The following ZNF449 variants were observed in gnomAD, a reference collection of about 807,000 sequenced individuals.
ZNF449 encodes zinc finger protein 449, also known as zinc finger and SCAN domain-containing protein 19.
In ZNF449, 4 loss-of-function variants were observed where a neutral mutation model predicts 32.6. The ratio of observed to expected loss-of-function variants is 0.12; its 90% CI spans 0.06 to 0.28. The LOEUF is 0.28. ZNF449 is among the 10% of genes least tolerant of loss of function. The probability of loss-of-function intolerance (pLI) is 1.00; values close to 1 mark genes in which losing one functional copy is unlikely to be tolerated. For synonymous variants in ZNF449, 123 were observed against 132.2 expected, an observed-to-expected ratio of 0.93 and a Z score of 0.48; for missense variants, 275 against 383.2, an observed-to-expected ratio of 0.72 and a Z score of 2.36.
rs1217232780 is a variant in ZNF449, at chrX:135,362,335, T to C, written c.*1259T>C. On this transcript the variant is annotated 3_prime_UTR_variant, in exon 5 of 5. Transcript: ENST00000339249. ...ACGCACACACATATGTATATACACA[T>C]ATCATTTTAAGAAGCTGAGGATCAC... The C allele has an allele frequency of 3.6e-5, 4 of 111,842 alleles. No homozygotes were observed. Among genetic ancestry groups the C allele is most frequent in the African/African-American group, 9.7e-5 (3 of 30,849 alleles). 9.2% of individuals were successfully genotyped at this position (111,842 alleles called of 1,213,427 possible).
intron 3 of ZNF449, among the ~76,000 whole-genome samples, chrX:135,351,484 G>A (rs12392460): frequency 0.022 from 2,433 of 109,699 alleles, 82 homozygotes; most frequent in African/African-American, 0.076. Context: ...GTTGAGTTTA[G>A]ATTTGAACAT....
In ZNF449 at chrX:135,347,085, C is replaced by G; in HGVS notation, c.-34C>G. On this transcript the variant is annotated 5_prime_UTR_variant, in exon 2 of 5. Transcript: ENST00000339249. ...ACAAGTCGGAATCTGAGAAGTGAGG[C>G]TCCAGATAAACTGTAAACTGCTGGA... The G allele has an allele frequency of 8.7e-7, 1 of 1,147,930 alleles. No homozygotes were observed. Among genetic ancestry groups the G allele is most frequent in the Non-Finnish European group, 1.2e-6 (1 of 857,492 alleles). The allele number at this position is 1,147,930 out of a possible 1,213,427, so 94.6% of individuals were successfully genotyped here.
At chrX:135,350,139 T>TG (rs1335989821) in intron 3 of ZNF449, among the ~76,000 whole-genome samples, 5 of 110,973 alleles carry the variant, frequency 4.5e-5, no homozygotes, top group African/African-American at 1.6e-4. Flanking sequence ...CTCAAGTAGC[T>TG]GGGATCACAG....
At chrX:135,347,633 G>A in intron 2 of ZNF449, 161 bp downstream of exon 2, 1 of 1,142,212 alleles carries the variant, frequency 8.8e-7, no homozygotes, top group Non-Finnish European at 1.2e-6. Context: ...ATGAGTCAGT[G>A]CTTTTAACTC....
chrX:135,359,862 T>C, intron 3 of ZNF449, 30 bp from the exon 4 acceptor site: 1 of 1,062,734 alleles, frequency 9.4e-7, no homozygotes, highest in South Asian at 1.9e-5. Context: ...TGAGCCAAAC[T>C]GTAATGCTTC....
At position 135,347,459 on chromosome X, in the gene ZNF449, TA is replaced by T; in HGVS notation, c.342del (p.Pro115GlnfsTer29). On this transcript the variant is annotated frameshift_variant, in exon 2 of 5. Coordinates refer to ENST00000339249, the MANE Select transcript of ZNF449 (RefSeq NM_152695.6). LOFTEE classifies it high-confidence loss of function. The stretch of plus-strand genomic sequence containing the variant: ...GAAGACTTACAGAGAGAACTTGAGA[TA>T]CCAGAGCAGCAGGTAAGAAAAGAAT... ...LIEDLQRELE[I>X]PEQQVDMHDM... 8.3e-7 allele frequency: 1 copy of T among 1,211,774 alleles called. No individual in the cohort carries two copies. The highest frequency in any genetic ancestry group is 1.1e-6 in the Non-Finnish European group (1 of 895,514).
intron 1 of ZNF449, among the ~76,000 whole-genome samples, chrX:135,345,426 A>G (rs2084837128): frequency 8.9e-6 from 1 of 111,781 alleles, no homozygotes; most frequent in Admixed American, 9.4e-5. Flanking sequence ...TCCAGAGCCA[A>G]AAACAGCACA....
chrX:135,356,012 A>G (rs782431451), intron 3 of ZNF449, among the ~76,000 whole-genome samples: 1 of 112,421 alleles, frequency 8.9e-6, no homozygotes, highest in East Asian at 2.8e-4. Context: ...ATTCCTATTT[A>G]TGGTTGCATA....
chrX:135,348,737 A>T, intron 2 of ZNF449: 1 of 985,603 alleles, frequency 1.0e-6, no homozygotes, highest in Non-Finnish European at 1.3e-6. Flanking sequence ...ATAAGATTTT[A>T]TCTTCATGTG....
Position 135,349,184 on chromosome X carries a change from A to G in ZNF449, c.429A>G (p.Leu143=). The change falls in exon 3 of 5, where the codon CTA becomes CTG. Residue 143 remains leucine (L), a synonymous_variant. Transcript: ENST00000339249. ...CACACATACCACCAACCATGCACCT[A>G]GAGTCACCTGCACTCCAGGTAATGG... is the stretch of plus-strand genomic sequence containing the variant. ...GTAHIPPTMH[L]ESPALQVMGP... 6 of 1,211,277 alleles carry G rather than the reference A, an allele frequency of 5.0e-6. No homozygotes were observed. The highest frequency in any genetic ancestry group is 5.6e-6 in the Non-Finnish European group (5 of 895,130).
intron 2 of ZNF449, chrX:135,348,873 G>A: frequency 2.0e-6 from 2 of 1,019,704 alleles, no homozygotes; most frequent in East Asian, 3.7e-5. Context: ...CAGAAGACTT[G>A]GTATGAAAAA....
rs889780421 is a variant in ZNF449, at chrX:135,349,324, G to A, written c.559+10G>A. 11 of 1,207,079 alleles carry A rather than the reference G, an allele frequency of 9.1e-6. No individual in the cohort carries two copies. Among genetic ancestry groups the A allele is most frequent in the Non-Finnish European group, 1.2e-5 (11 of 892,072 alleles). On this transcript the variant is annotated intron_variant, in intron 3 of 4. Transcript: ENST00000339249. The stretch of plus-strand genomic sequence containing the variant: ...AACTTTCTGGACCCTGGTAAGGCAA[G>A]GGTTTCTCTCCTTTCTTTTGTTTCT...
At position 135,344,825 on chromosome X, in the gene ZNF449, G is replaced by A. The variant is rs899460266; in HGVS notation, c.-111G>A. The A allele has an allele frequency of 3.5e-5, 4 of 113,366 alleles. No homozygotes were observed. The highest frequency in any genetic ancestry group is 7.5e-5 in the Non-Finnish European group (4 of 53,369). 9.3% of individuals were successfully genotyped at this position (113,366 alleles called of 1,213,427 possible). A position where few individuals can be genotyped will look rare whatever the true frequency, so the allele number is the denominator to read the frequency against. ...GCCGGTGAGCTTGGGAGAACCGTGG[G>A]CGCTGAGGCGGTGAGTCCCCGAGCG... is the stretch of plus-strand genomic sequence containing the variant. On this transcript the variant is annotated 5_prime_UTR_variant, in exon 1 of 5. Coordinates refer to ENST00000339249, the MANE Select transcript of ZNF449 (RefSeq NM_152695.6).
chrX:135,350,003 A>ATT (rs552605724), intron 3 of ZNF449, among the ~76,000 whole-genome samples: 5 of 81,758 alleles, frequency 6.1e-5, no homozygotes, highest in Non-Finnish European at 9.9e-5. Flanking sequence ...GGGGTTTTCT[A>ATT]TTTTTTTTTT....
chrX:135,358,206 A>C, intron 3 of ZNF449, among the ~76,000 whole-genome samples: 1 of 111,482 alleles, frequency 9.0e-6, no homozygotes. Context: ...ACTTAATGCC[A>C]GTGAGATATA....
At chrX:135,348,739 C>T in intron 2 of ZNF449, 1 of 986,866 alleles carries the variant, frequency 1.0e-6, no homozygotes, top group Non-Finnish European at 1.3e-6. Flanking sequence ...AAGATTTTAT[C>T]TTCATGTGGT....
chrX:135,360,529 A>G lies in ZNF449; in HGVS notation c.1010A>G (p.Gln337Arg). The G allele has an allele frequency of 8.3e-7, 1 of 1,211,763 alleles. No individual in the cohort carries two copies. Among genetic ancestry groups the G allele is most frequent in the Non-Finnish European group, 1.1e-6 (1 of 895,397 alleles). The stretch of plus-strand genomic sequence containing the variant: ...GGAAAATGTTTTGCTCGGAAGTCAC[A>G]ACTTACTGGGCATCAGAGAATTCAT... ...QCGKCFARKS[Q>R]LTGHQRIHSG... Residue 337 changes from glutamine (Q) to arginine (R), a missense_variant, in exon 5 of 5, where the codon CAA (glutamine) becomes CGA (arginine). Physicochemically the swap from Gln to Arg is conservative, Grantham distance 43. Transcript: ENST00000339249.
At position 135,363,047 on chromosome X, in the gene ZNF449, T is replaced by C. The variant is rs1556454897; in HGVS notation, c.*1971T>C. On this transcript the variant is annotated 3_prime_UTR_variant, in exon 5 of 5. Coordinates refer to ENST00000339249, the MANE Select transcript of ZNF449 (RefSeq NM_152695.6). Reference sequence around the variant, plus strand: ...ATGTAATGGCTTCTCTTTTCTCTCTTGTGGAATTGCATTCAAACCAGAACA... The same window carrying C: ...ATGTAATGGCTTCTCTTTTCTCTCTCGTGGAATTGCATTCAAACCAGAACA... 8.9e-6 allele frequency: 1 copy of C among 112,263 alleles called. No homozygotes were observed. Among genetic ancestry groups the C allele is most frequent in the East Asian group, 2.8e-4 (1 of 3,601 alleles). 9.3% of individuals were successfully genotyped at this position (112,263 alleles called of 1,213,427 possible).
In ZNF449 at chrX:135,361,166, T is replaced by C; in HGVS notation, c.*90T>C. ...GCAGGCTGTTTGTCTTGGAAGCTTT[T>C]GTTTGAGCTTATAAGAACATAGACA... On this transcript the variant is annotated 3_prime_UTR_variant, in exon 5 of 5. Transcript: ENST00000339249. 1.2e-6 allele frequency: 1 copy of C among 865,188 alleles called. No individual in the cohort carries two copies. The allele number at this position is 865,188 out of a possible 1,213,427, so 71.3% of individuals were successfully genotyped here.
Sources: allele counts gnomAD v4.1 joint callset (sites outside exome capture counted in the v4.1 genomes callset), GRCh38; gene constraint gnomAD v4.1.1; transcripts MANE v1.5; gene names NCBI Gene and HGNC (gene_info 2026-07-23, HGNC 2026-07-21).